Variants in AP2A2 observed in about 807,000 individuals in gnomAD.
AP2A2 encodes adaptor related protein complex 2 subunit alpha 2, also known as AP-2 complex subunit alpha-2.
In AP2A2, 32 loss-of-function variants were observed where a neutral mutation model predicts 104.2. That is an observed-to-expected ratio of 0.31 (90% confidence interval 0.23 to 0.41). AP2A2 has a LOEUF of 0.41. AP2A2 is among the 10% of genes least tolerant of loss of function. The pLI is 1.00. For missense variants in AP2A2, 912 were observed against 1,261.0 expected (o/e 0.72, Z 4.19); for synonymous variants, 539 against 533.3 (o/e 1.01, Z -0.15).
chr11:951,921 C>T (rs1039262642), intron 1 of AP2A2, among the ~76,000 whole-genome samples: 1 of 110,238 alleles, frequency 9.1e-6, no homozygotes, highest in East Asian at 2.1e-4. Context: ...GGCTGGAGTA[C>T]AGCGATGTCT....
chr11:1,002,840 T>C (rs1255957705), intron 15 of AP2A2, among the ~76,000 whole-genome samples: 1 of 152,208 alleles, frequency 6.6e-6, no homozygotes, highest in African/African-American at 2.4e-5. Flanking sequence ...ATTTCAGAAT[T>C]AGGCTGCTGC....
intron 1 of AP2A2, among the ~76,000 whole-genome samples, chr11:958,583 G>T (rs1037304712): frequency 6.6e-6 from 1 of 152,200 alleles, no homozygotes; most frequent in Non-Finnish European, 1.5e-5. Flanking sequence ...TCAACAGATA[G>T]ACTGAATAGA....
intron 1 of AP2A2, among the ~76,000 whole-genome samples, chr11:953,549 C>G (rs1441290671): frequency 1.8e-5 from 2 of 111,612 alleles, no homozygotes; most frequent in South Asian, 2.4e-4. Context: ...GTAAGAGCCC[C>G]CCCCCCCCAT....
At chr11:1,004,912 G>A (rs964643432) in intron 16 of AP2A2, among the ~76,000 whole-genome samples, 1 of 152,216 alleles carries the variant, frequency 6.6e-6, no homozygotes, top group Non-Finnish European at 1.5e-5. Context: ...AGTAGTGCGG[G>A]CACTGTGGGA....
At chr11:994,785 C>T (rs1454403114) in intron 14 of AP2A2, among the ~76,000 whole-genome samples, 1 of 144,396 alleles carries the variant, frequency 6.9e-6, no homozygotes, top group African/African-American at 2.6e-5. Context: ...CTGCTGCACA[C>T]CCTGCTGGCC....
chr11:981,438 C>T lies in AP2A2; in HGVS notation c.705+139C>T, dbSNP rs189996978. 5 of 711,762 alleles carry T rather than the reference C, an allele frequency of 7.0e-6. No homozygotes were observed. In the African/African-American group the frequency reaches 7.1e-5, roughly 10 times the overall value. The allele number at this position is 711,762 out of a possible 1,614,324, so 44.1% of individuals were successfully genotyped here. On this transcript the variant is annotated intron_variant, in intron 6 of 21. Coordinates refer to ENST00000448903, the MANE Select transcript of AP2A2 (RefSeq NM_012305.4). ...AAACCAACTTGGCTTCTCTGTCAGC[C>T]TTCTTGTTGAGAACTGTCCTGTCTG...
intron 21 of AP2A2, chr11:1,010,089 C>T (rs1381993759): frequency 4.0e-6 from 2 of 498,604 alleles, no homozygotes; most frequent in Admixed American, 3.3e-5. Flanking sequence ...CCAGCCTCCC[C>T]ACAGCTGGCC....
In AP2A2 at chr11:999,152, C is replaced by T. The variant is rs116781044; in HGVS notation, c.1957-1280C>T. On this transcript the variant is annotated intron_variant, in intron 14 of 21. Transcript: ENST00000448903. The stretch of plus-strand genomic sequence containing the variant: ...GTTGGATGGGTGAGCATGCGATGGA[C>T]TGAGCTGCTGCTTGTGCCCTGTTGT... Among the ~76,000 whole-genome samples, 1,358 of 152,256 alleles carry T rather than the reference C, an allele frequency of 8.9e-3. 26 individuals are homozygous for T. Among genetic ancestry groups the T allele is most frequent in the African/African-American group, 0.031 (1,304 of 41,564 alleles).
chr11:970,206 C>G lies in AP2A2; in HGVS notation c.174C>G (p.Tyr58Ter). The change falls in exon 3 of 22, where the codon TAC (tyrosine) becomes TAG (stop). Residue 58 changes from tyrosine to a stop codon, truncating the protein, a stop_gained. Coordinates refer to ENST00000448903, the MANE Select transcript of AP2A2 (RefSeq NM_012305.4). LOFTEE classifies it high-confidence loss of function. The stretch of plus-strand genomic sequence containing the variant: ...TTGATGGCTATAGTAAAAAAAAGTA[C>G]GTCTGCAAGTTGCTCTTCATCTTTC... ...KALDGYSKKK[Y>*]VCKLLFIFLL... The G allele has an allele frequency of 6.2e-7, 1 of 1,613,968 alleles. No individual in the cohort carries two copies. Among genetic ancestry groups the G allele is most frequent in the Non-Finnish European group, 8.5e-7 (1 of 1,179,856 alleles).
At chr11:971,925 C>A in intron 3 of AP2A2, 137 bp from the exon 4 acceptor site, 1 of 808,044 alleles carries the variant, frequency 1.2e-6, no homozygotes, top group Non-Finnish European at 1.9e-6. Flanking sequence ...GCGCCGCTCC[C>A]ACAGCAGTGC....
intron 21 of AP2A2, chr11:1,010,112 C>A: frequency 2.1e-6 from 1 of 482,544 alleles, no homozygotes; most frequent in Non-Finnish European, 3.7e-6. Context: ...CGTGGAGCAT[C>A]GTCCCACCAT....
intron 14 of AP2A2, among the ~76,000 whole-genome samples, chr11:995,040 C>T (rs1489203926): frequency 3.9e-5 from 6 of 152,118 alleles, no homozygotes; most frequent in Non-Finnish European, 8.8e-5. Context: ...ACCCCGCTGT[C>T]CTCTCCCGGG....
chr11:993,479 C>T lies in AP2A2; in HGVS notation c.1550+98C>T, dbSNP rs1429391979. 9.0e-6 allele frequency: 8 copies of T among 890,244 alleles called. No individual in the cohort carries two copies. The highest frequency in any genetic ancestry group is 1.8e-5 in the South Asian group (1 of 55,044). 55.1% of individuals were successfully genotyped at this position (890,244 alleles called of 1,614,324 possible). A position where few individuals can be genotyped will look rare whatever the true frequency, so the allele number is the denominator to read the frequency against. On this transcript the variant is annotated intron_variant, in intron 12 of 21. Coordinates refer to ENST00000448903, the MANE Select transcript of AP2A2 (RefSeq NM_012305.4). This position sits in a 1 kb window ranked among gnomAD's most constrained non-coding sequence, Gnocchi z 8.2. ...GGCACCAGCTGGCCCTGCCGTGAGG[C>T]CTCGCAGAGCCGCTTCTGCTCCCCA...
At chr11:999,090 C>T (rs2133764595) in intron 14 of AP2A2, among the ~76,000 whole-genome samples, 1 of 152,308 alleles carries the variant, frequency 6.6e-6, no homozygotes, top group East Asian at 1.9e-4. Flanking sequence ...CTCCCAAAGT[C>T]AGGCTGCTGG....
At chr11:934,190 ACCT>A (rs1459481474) in intron 1 of AP2A2, among the ~76,000 whole-genome samples, 5 of 151,790 alleles carry the variant, frequency 3.3e-5, no homozygotes, top group Non-Finnish European at 7.4e-5. Context: ...CGAGTGGCAG[ACCT>A]CCTGCTGGGT....
rs1856264733 is a variant in AP2A2, at chr11:1,007,950, G to A, written c.2297-62G>A. 11 of 1,549,906 alleles carry A rather than the reference G, an allele frequency of 7.1e-6. No homozygotes were observed. In the Admixed American group the frequency reaches 1.8e-4, roughly 25 times the overall value. On this transcript the variant is annotated intron_variant, in intron 17 of 21. Transcript: ENST00000448903. Reference sequence around the variant, plus strand: ...CTCCACGGGTCCTGCTGGGGCTCTAGCCCGGCCCGTTTCCGCTTCTGCCAC... The same window carrying A: ...CTCCACGGGTCCTGCTGGGGCTCTAACCCGGCCCGTTTCCGCTTCTGCCAC...
At chr11:1,008,695 T>G in intron 18 of AP2A2, 1 of 237,758 alleles carries the variant, frequency 4.2e-6, no homozygotes, top group Non-Finnish European at 8.1e-6. Flanking sequence ...AAAGCACACT[T>G]TCTAACATTA....
chr11:993,744 C>T lies in AP2A2; in HGVS notation c.1551-10C>T, dbSNP rs779512429. 2.5e-6 allele frequency: 4 copies of T among 1,574,836 alleles called. No individual in the cohort carries two copies. The highest frequency in any genetic ancestry group is 2.7e-5 in the African/African-American group (2 of 73,978). On this transcript the variant is annotated splice_polypyrimidine_tract_variant and intron_variant, in intron 12 of 21. Coordinates refer to ENST00000448903, the MANE Select transcript of AP2A2 (RefSeq NM_012305.4). This position sits in a 1 kb window ranked among gnomAD's most constrained non-coding sequence, Gnocchi z 8.2. ...GACGGTGTCCCTGTGTTGTGCCTCC[C>T]CGTCCCCAGCCCGCTGATCCAGTTC...
At chr11:946,404 A>G (rs1442293903) in intron 1 of AP2A2, 1 of 152,254 alleles carries the variant, frequency 6.6e-6, no homozygotes, top group Non-Finnish European at 1.5e-5. Flanking sequence ...GAGCTAGCTC[A>G]GTGTGAAAAC....
Sources: allele counts gnomAD v4.1 joint callset (sites outside exome capture counted in the v4.1 genomes callset), GRCh38; gene constraint gnomAD v4.1.1; non-coding constraint Gnocchi (gnomAD v3.1); transcripts MANE v1.5; gene names NCBI Gene and HGNC (gene_info 2026-07-23, HGNC 2026-07-21).